OR2C1: variants seen among roughly 807,000 people sequenced by gnomAD.
OR2C1 encodes olfactory receptor family 2 subfamily C member 1.
For missense variants in OR2C1, 468 were observed against 388.3 expected, an observed-to-expected ratio of 1.21 and a Z score of -1.73; for synonymous variants, 209 against 167.3, an observed-to-expected ratio of 1.25 and a Z score of -1.92.
the OR2C1 span, among the ~76,000 whole-genome samples, chr16:3,344,853 C>G: frequency 0.011 from 1,719 of 152,164 alleles, 33 homozygotes; most frequent in African/African-American, 0.039. Context: ...GTTGGTGCAT[C>G]TGGGTATATC....
chr16:3,335,743 G>C, the OR2C1 span, among the ~76,000 whole-genome samples: 3 of 151,720 alleles, frequency 2.0e-5, no homozygotes, highest in Admixed American at 6.6e-5. Context: ...GCAAGACTGG[G>C]CTACTACTTT....
upstream of OR2C1, among the ~76,000 whole-genome samples, chr16:3,353,780 G>T (rs1053912799): frequency 6.6e-6 from 1 of 151,848 alleles, no homozygotes; most frequent in Non-Finnish European, 1.5e-5. Context: ...CAGCCTGGGT[G>T]ACACTGCTAG....
chr16:3,343,456 A>C, the OR2C1 span, among the ~76,000 whole-genome samples: 1 of 152,146 alleles, frequency 6.6e-6, no homozygotes, highest in South Asian at 2.1e-4. Context: ...TTTCATTTAA[A>C]ATTGGCCAAA....
upstream of OR2C1, among the ~76,000 whole-genome samples, chr16:3,352,667 A>G: frequency 6.6e-6 from 1 of 151,876 alleles, no homozygotes; most frequent in East Asian, 1.9e-4. Flanking sequence ...ACTTTGTCTA[A>G]TACCAGCCCC....
the OR2C1 span, among the ~76,000 whole-genome samples, chr16:3,332,988 C>G: frequency 6.6e-6 from 1 of 152,004 alleles, no homozygotes; most frequent in Non-Finnish European, 1.5e-5. Flanking sequence ...AATTTACATT[C>G]CCAACAACAG....
At position 3,356,220 on chromosome 16, in the gene OR2C1, T is replaced by G. The variant is rs1192258833; in HGVS notation, c.280T>G (p.Tyr94Asp). The change falls in exon 1 of 1, where the codon TAT becomes GAT. Residue 94 changes from tyrosine to aspartate, a missense_variant. By Grantham distance (160) the Tyr-to-Asp change is radical. Coordinates refer to ENST00000304936, the MANE Select transcript of OR2C1 (RefSeq NM_012368.3). ...NLWGPGKTISYGGCITQLYVF... is the reference protein window; with the variant it reads ...NLWGPGKTISDGGCITQLYVF... Reference sequence around the variant, plus strand: ...ATGGGGACCAGGCAAGACCATCAGCTATGGTGGCTGCATAACCCAGCTCTA... The same window carrying G: ...ATGGGGACCAGGCAAGACCATCAGCGATGGTGGCTGCATAACCCAGCTCTA... The G allele has an allele frequency of 6.2e-7, 1 of 1,614,088 alleles. No individual in the cohort carries two copies. The highest frequency in any genetic ancestry group is 2.2e-5 in the East Asian group (1 of 44,894).
At chr16:3,325,463 ATATATAT>A in the OR2C1 span, among the ~76,000 whole-genome samples, 655 of 79,336 alleles carry the variant, frequency 8.3e-3, 9 homozygotes, top group East Asian at 0.078. Flanking sequence ...GTCTAAAAAT[ATATATAT>A]ATATATATAT....
At chr16:3,345,233 CCGAGGTGGGCAGATCA>C in the OR2C1 span, among the ~76,000 whole-genome samples, 14 of 151,844 alleles carry the variant, frequency 9.2e-5, no homozygotes, top group Non-Finnish European at 1.8e-4. Context: ...CTTTGGGAGG[CCGAGGTGGGCAGATCA>C]TGAGGTCGGC....
the OR2C1 span, among the ~76,000 whole-genome samples, chr16:3,324,787 A>G: frequency 3.3e-5 from 5 of 152,180 alleles, no homozygotes; most frequent in Admixed American, 1.3e-4. Flanking sequence ...ATGTACATAC[A>G]TACATATACA....
chr16:3,345,392 A>G, the OR2C1 span, among the ~76,000 whole-genome samples: 8 of 151,984 alleles, frequency 5.3e-5, no homozygotes, highest in East Asian at 3.9e-4. Context: ...AGGCTGAGGC[A>G]GGAGAATGAC....
chr16:3,340,474 C>T, the OR2C1 span, among the ~76,000 whole-genome samples: 1 of 151,964 alleles, frequency 6.6e-6, no homozygotes, highest in Non-Finnish European at 1.5e-5. Flanking sequence ...TAATGAGGTC[C>T]AATTTATGTA....
At chr16:3,334,904 C>T in the OR2C1 span, among the ~76,000 whole-genome samples, 6 of 151,948 alleles carry the variant, frequency 3.9e-5, no homozygotes, top group East Asian at 5.8e-4. Flanking sequence ...CTGCAGCCTC[C>T]GCCTCCCGAG....
At chr16:3,343,110 A>G in the OR2C1 span, among the ~76,000 whole-genome samples, 1 of 152,312 alleles carries the variant, frequency 6.6e-6, no homozygotes, top group Admixed American at 6.5e-5. Flanking sequence ...ATAAAAGGGC[A>G]AACTGAGTGG....
the OR2C1 span, among the ~76,000 whole-genome samples, chr16:3,329,334 C>A: frequency 6.6e-6 from 1 of 151,402 alleles, no homozygotes; most frequent in East Asian, 1.9e-4. Flanking sequence ...GAAGAATGAC[C>A]AAGAATGTCC....
At chr16:3,345,627 G>A in the OR2C1 span, among the ~76,000 whole-genome samples, 1 of 150,688 alleles carries the variant, frequency 6.6e-6, no homozygotes, top group Non-Finnish European at 1.5e-5. Context: ...CATATCCAAA[G>A]AATTACATAT....
the OR2C1 span, among the ~76,000 whole-genome samples, chr16:3,338,665 G>C: frequency 1.3e-5 from 2 of 149,242 alleles, no homozygotes; most frequent in African/African-American, 5.0e-5. Context: ...ACCCTCCCAA[G>C]TAGCTGAGAT....
chr16:3,323,030 TA>T, the OR2C1 span: 1 of 616,694 alleles, frequency 1.6e-6, no homozygotes, highest in African/African-American at 2.0e-5. Flanking sequence ...GCCATGAACC[TA>T]AGCTACTGTC....
At chr16:3,335,209 G>T in the OR2C1 span, among the ~76,000 whole-genome samples, 1 of 152,142 alleles carries the variant, frequency 6.6e-6, no homozygotes, top group Non-Finnish European at 1.5e-5. Context: ...TCTTATTTCT[G>T]TGAAGAATGT....
At chr16:3,351,123 A>C (rs2030565886), upstream of OR2C1, among the ~76,000 whole-genome samples, 1 of 151,914 alleles carries the variant, frequency 6.6e-6, no homozygotes, top group Non-Finnish European at 1.5e-5. Flanking sequence ...TCTCTTGCCA[A>C]AGAATTTAAT....
Sources: allele counts gnomAD v4.1 joint callset (sites outside exome capture counted in the v4.1 genomes callset), GRCh38; gene constraint gnomAD v4.1.1; transcripts MANE v1.5; gene names NCBI Gene and HGNC (gene_info 2026-07-23, HGNC 2026-07-21).